Variants in GNA14 observed in about 807,000 individuals in gnomAD.
The protein encoded by GNA14 is guanine nucleotide-binding protein subunit alpha-14.
A neutral mutation model predicts 42.0 loss-of-function variants in GNA14; 50 were observed. That is an observed-to-expected ratio of 1.19 (90% CI 0.95 to 1.51). The LOEUF (loss-of-function observed/expected upper bound fraction) is 1.51. GNA14 is among the 40% of genes most tolerant of loss of function. The pLI, the probability that GNA14 is intolerant of heterozygous loss-of-function variation, is 0.00. For missense variants in GNA14, 473 were observed against 446.2 expected (o/e 1.06, Z -0.54); for synonymous variants, 173 against 163.1 (o/e 1.06, Z -0.46).
intron 3 of GNA14, among the ~76,000 whole-genome samples, chr9:77,433,785 T>C (rs1342953431): frequency 1.3e-5 from 2 of 152,236 alleles, no homozygotes; most frequent in African/African-American, 2.4e-5. Context: ...ATACAGTGTG[T>C]AGGCCTTCGC....
intron 1 of GNA14, among the ~76,000 whole-genome samples, chr9:77,621,840 G>C (rs563883269): frequency 2.0e-5 from 3 of 152,206 alleles, no homozygotes; most frequent in African/African-American, 7.2e-5. Flanking sequence ...TGTTTTGAAG[G>C]CTGCCAGCTG....
intron 2 of GNA14, among the ~76,000 whole-genome samples, chr9:77,479,344 A>G (rs1418449749): frequency 1.3e-5 from 2 of 152,052 alleles, no homozygotes; most frequent in Admixed American, 1.3e-4. Context: ...GATATGCGGC[A>G]TTATTTCTGA....
chr9:77,594,385 A>G (rs1823433170), intron 1 of GNA14, among the ~76,000 whole-genome samples: 1 of 152,204 alleles, frequency 6.6e-6, no homozygotes, highest in African/African-American at 2.4e-5. Context: ...ATCGGCTCCG[A>G]GTGTGGAAGG....
intron 1 of GNA14, among the ~76,000 whole-genome samples, chr9:77,582,800 G>A (rs1330859393): frequency 2.0e-5 from 3 of 152,114 alleles, no homozygotes; most frequent in African/African-American, 7.2e-5. Context: ...CCTAACATAG[G>A]TCTGTATATC....
chr9:77,582,459 C>T (rs1350311960), intron 1 of GNA14, among the ~76,000 whole-genome samples: 1 of 152,220 alleles, frequency 6.6e-6, no homozygotes, highest in African/African-American at 2.4e-5. Flanking sequence ...ATCTCCTTAA[C>T]TGCTGTCCAC....
chr9:77,638,254 CA>C (rs1297237545), intron 1 of GNA14, among the ~76,000 whole-genome samples: 1 of 152,192 alleles, frequency 6.6e-6, no homozygotes, highest in African/African-American at 2.4e-5. Context: ...AGCACAGCCC[CA>C]CTCTCACAGA....
chr9:77,451,119 TG>T (rs1277766494), intron 2 of GNA14, among the ~76,000 whole-genome samples: 2 of 152,094 alleles, frequency 1.3e-5, no homozygotes, highest in African/African-American at 4.8e-5. Context: ...GACGGCCCTA[TG>T]GGGAACATAC....
At chr9:77,481,432 G>A (rs2131728843) in intron 2 of GNA14, among the ~76,000 whole-genome samples, 1 of 152,250 alleles carries the variant, frequency 6.6e-6, no homozygotes, top group Admixed American at 6.5e-5. Flanking sequence ...TATAATTTCT[G>A]TTCTTTTACA....
chr9:77,616,544 C>T (rs936208982), intron 1 of GNA14, among the ~76,000 whole-genome samples: 3 of 152,148 alleles, frequency 2.0e-5, no homozygotes, highest in African/African-American at 7.2e-5. Context: ...GGGTATTTAC[C>T]AAGAGACATA....
intron 1 of GNA14, among the ~76,000 whole-genome samples, chr9:77,595,711 G>C (rs545634529): frequency 6.6e-6 from 1 of 152,254 alleles, no homozygotes; most frequent in East Asian, 1.9e-4. Flanking sequence ...ACAGGCATGT[G>C]AATAGGATAA....
At chr9:77,534,184 G>A (rs1837565755) in intron 1 of GNA14, among the ~76,000 whole-genome samples, 1 of 152,136 alleles carries the variant, frequency 6.6e-6, no homozygotes, top group Non-Finnish European at 1.5e-5. Flanking sequence ...AGTGATCTGG[G>A]AACCACATTT....
chr9:77,433,703 T>G (rs1835595666), intron 3 of GNA14, among the ~76,000 whole-genome samples: 1 of 152,206 alleles, frequency 6.6e-6, no homozygotes, highest in African/African-American at 2.4e-5. Context: ...GTTTGCATGC[T>G]GGGACATCTA....
chr9:77,628,695 C>T (rs936613934), intron 1 of GNA14, among the ~76,000 whole-genome samples: 11 of 152,220 alleles, frequency 7.2e-5, no homozygotes, highest in African/African-American at 2.4e-4. Flanking sequence ...ATGCAGAAAA[C>T]TGAAACTGGA....
intron 1 of GNA14, among the ~76,000 whole-genome samples, chr9:77,531,073 T>C (rs1837521440): frequency 6.6e-6 from 1 of 152,186 alleles, no homozygotes; most frequent in Non-Finnish European, 1.5e-5. Context: ...GTGCCTTGGA[T>C]ACCCAGAAGC....
rs185758088 is a variant in GNA14, at chr9:77,629,031, C to T, written c.124+18639G>A. On this transcript the variant is annotated intron_variant, in intron 1 of 6. Transcript: ENST00000341700. ...ATCCAGAATCTACAAGGAATTTAAA[C>T]GAATTTACAAGAAAAAAAAACCCCA... 4.2e-3 allele frequency among the ~76,000 whole-genome samples: 639 copies of T among 151,938 alleles called. 1 individual carries two copies. Among genetic ancestry groups the T allele is most frequent in the Non-Finnish European group, 6.6e-3 (452 of 67,970 alleles).
rs1315126716 is a variant in GNA14 at position 77,529,393 on chromosome 9, G to A, written c.125-140C>T. On this transcript the variant is annotated intron_variant, in intron 1 of 6. Transcript: ENST00000341700. ...TGGATTTGGAAGGGACTGCCAAATG[G>A]TTATGCAGTTTTCGGTTACAGAGCA... 79 of 714,030 alleles carry A rather than the reference G, an allele frequency of 1.1e-4. No homozygotes were observed. The East Asian group carries it at 2.0e-3, about 18-fold the overall frequency. The allele number at this position is 714,030 out of a possible 1,614,324, so 44.2% of individuals were successfully genotyped here. A position where few individuals can be genotyped will look rare whatever the true frequency, so the allele number is the denominator to read the frequency against.
chr9:77,551,890 A>C (rs984959052), intron 1 of GNA14, among the ~76,000 whole-genome samples: 5 of 151,918 alleles, frequency 3.3e-5, no homozygotes, highest in Admixed American at 1.3e-4. Flanking sequence ...CTGTAATCCC[A>C]GTACTTTGGG....
intron 1 of GNA14, among the ~76,000 whole-genome samples, chr9:77,562,913 T>C (rs1445341943): frequency 6.6e-6 from 1 of 152,188 alleles, no homozygotes; most frequent in Non-Finnish European, 1.5e-5. Flanking sequence ...CTTCAGATCA[T>C]GGGGCCTCCT....
intron 2 of GNA14, among the ~76,000 whole-genome samples, chr9:77,521,699 GA>G (rs1286306177): frequency 1.3e-5 from 2 of 152,142 alleles, no homozygotes; most frequent in African/African-American, 4.8e-5. Flanking sequence ...GCTTAAATAT[GA>G]AGTTAGATGT....
Sources: allele counts gnomAD v4.1 joint callset (sites outside exome capture counted in the v4.1 genomes callset), GRCh38; gene constraint gnomAD v4.1.1; transcripts MANE v1.5; gene names NCBI Gene and HGNC (gene_info 2026-07-23, HGNC 2026-07-21).